Variants in TUBGCP3 observed in about 807,000 individuals in gnomAD.
TUBGCP3 encodes the protein tubulin gamma complex component 3.
Under a neutral mutation model 123.1 loss-of-function variants are expected in TUBGCP3, and 50 were observed. The ratio of observed to expected loss-of-function variants is 0.41; its 90% CI spans 0.32 to 0.51. The LOEUF is 0.51. Among genes scored for constraint, TUBGCP3 ranks in the 20% least tolerant of loss-of-function variants. TUBGCP3 has a pLI of 0.36. For missense variants in TUBGCP3, 882 were observed against 1,127.0 expected (o/e 0.78, Z 3.11); for synonymous variants, 405 against 413.9 (o/e 0.98, Z 0.26).
chr13:112,540,904 T>C (rs1012955140), intron 11 of TUBGCP3, among the ~76,000 whole-genome samples: 1 of 152,242 alleles, frequency 6.6e-6, no homozygotes, highest in Non-Finnish European at 1.5e-5. Flanking sequence ...TTATACTCAA[T>C]AGACATGCAT....
chr13:112,585,471 CAG>C (rs747349634), intron 1 of TUBGCP3, among the ~76,000 whole-genome samples: 12 of 152,096 alleles, frequency 7.9e-5, no homozygotes, highest in Non-Finnish European at 1.3e-4. Flanking sequence ...ATAATTTATT[CAG>C]AGAGGGCCGG....
intron 17 of TUBGCP3, among the ~76,000 whole-genome samples, chr13:112,506,992 G>T (rs1197837146): frequency 6.6e-6 from 1 of 152,192 alleles, no homozygotes; most frequent in Non-Finnish European, 1.5e-5. Context: ...CTGGAGAATG[G>T]TGAGTATTTA....
chr13:112,562,528 C>A (rs749927144), intron 3 of TUBGCP3, among the ~76,000 whole-genome samples: 1 of 152,204 alleles, frequency 6.6e-6, no homozygotes, highest in Admixed American at 6.5e-5. Context: ...TCCAGACTCA[C>A]CCTGGAGCTT....
At chr13:112,504,547 CATATAT>C (rs3832905) in intron 18 of TUBGCP3, 73 bp downstream of exon 18, 151 of 868,296 alleles carry the variant, frequency 1.7e-4, no homozygotes, top group East Asian at 3.9e-4. Context: ...CATACATACA[CATATAT>C]ATATATATAT....
At chr13:112,551,536 G>C (rs964824360) in intron 8 of TUBGCP3, among the ~76,000 whole-genome samples, 1 of 152,048 alleles carries the variant, frequency 6.6e-6, no homozygotes, top group Non-Finnish European at 1.5e-5. Context: ...CACTCCTTCA[G>C]CAACTGGATG....
At chr13:112,536,629 G>A (rs1312145954) in intron 11 of TUBGCP3, among the ~76,000 whole-genome samples, 1 of 152,008 alleles carries the variant, frequency 6.6e-6, no homozygotes, top group Non-Finnish European at 1.5e-5. Flanking sequence ...AATGATTTTT[G>A]TTATTGAGCT....
intron 5 of TUBGCP3, 51 bp downstream of exon 5, chr13:112,558,145 C>G: frequency 6.5e-7 from 1 of 1,538,760 alleles, no homozygotes; most frequent in Non-Finnish European, 8.8e-7. Flanking sequence ...AGCCTGCAGG[C>G]GTCTCTGTTT....
At chr13:112,541,165 G>C (rs1287022468) in intron 11 of TUBGCP3, among the ~76,000 whole-genome samples, 1 of 152,170 alleles carries the variant, frequency 6.6e-6, no homozygotes, top group Non-Finnish European at 1.5e-5. Context: ...TATCACGAAA[G>C]GAAATGAATA....
chr13:112,563,385 T>C (rs976522681), intron 3 of TUBGCP3, among the ~76,000 whole-genome samples: 1 of 152,158 alleles, frequency 6.6e-6, no homozygotes, highest in Non-Finnish European at 1.5e-5. Flanking sequence ...GGTTTAATCG[T>C]TGGTCTTATA....
intron 11 of TUBGCP3, among the ~76,000 whole-genome samples, chr13:112,539,265 T>C (rs1200532155): frequency 1.3e-5 from 2 of 152,152 alleles, no homozygotes; most frequent in Non-Finnish European, 2.9e-5. Flanking sequence ...GTGAAGGTAT[T>C]TGCCCAGGAT....
Position 112,554,199 on chromosome 13 carries a change from T to A in TUBGCP3, c.841-17A>T. ...TAGATTTGCCTAAAAAGTAAATACA[T>A]CAAATGTTAAACATTAAAAAGCAAT... On this transcript the variant is annotated splice_polypyrimidine_tract_variant and intron_variant, in intron 7 of 21. Transcript: ENST00000261965. 6.2e-7 allele frequency: 1 copy of A among 1,611,692 alleles called. No individual in the cohort carries two copies. The highest frequency in any genetic ancestry group is 8.5e-7 in the Non-Finnish European group (1 of 1,179,392).
At chr13:112,526,849 T>A (rs1877170793) in intron 13 of TUBGCP3, 93 bp downstream of exon 13, 3 of 911,732 alleles carry the variant, frequency 3.3e-6, no homozygotes, top group Non-Finnish European at 5.3e-6. Flanking sequence ...CACTACGTCA[T>A]CAACATCACT....
intron 21 of TUBGCP3, among the ~76,000 whole-genome samples, chr13:112,488,882 G>T (rs1879869552): frequency 2.1e-5 from 3 of 140,598 alleles, no homozygotes; most frequent in Non-Finnish European, 1.5e-5. Context: ...CCCACCACAG[G>T]GGAGCACAGG....
chr13:112,598,630 T>C, the TUBGCP3 span, among the ~76,000 whole-genome samples: 1 of 152,162 alleles, frequency 6.6e-6, no homozygotes, highest in African/African-American at 2.4e-5. Context: ...GTGAAAATAC[T>C]GATAACTACC....
At chr13:112,497,277 T>C (rs1033831507) in intron 20 of TUBGCP3, among the ~76,000 whole-genome samples, 8 of 152,334 alleles carry the variant, frequency 5.3e-5, no homozygotes, top group Non-Finnish European at 8.8e-5. Flanking sequence ...ATCGTGAGTA[T>C]ATCCGACTTT....
chr13:112,499,991 G>C (rs1267219307), intron 19 of TUBGCP3, among the ~76,000 whole-genome samples: 1 of 152,170 alleles, frequency 6.6e-6, no homozygotes, highest in Non-Finnish European at 1.5e-5. Context: ...CAAACAGCAG[G>C]GAAGGGGGTA....
intron 21 of TUBGCP3, among the ~76,000 whole-genome samples, chr13:112,487,127 A>G (rs1192358076): frequency 6.6e-6 from 1 of 151,308 alleles, no homozygotes; most frequent in African/African-American, 2.4e-5. Flanking sequence ...AGGTGAGGGA[A>G]GAAGAACACG....
intron 20 of TUBGCP3, among the ~76,000 whole-genome samples, chr13:112,493,980 T>C (rs1880346039): frequency 6.6e-6 from 1 of 151,338 alleles, no homozygotes; most frequent in Non-Finnish European, 1.5e-5. Context: ...TGGCCTGGTG[T>C]GCCTGAGACA....
At chr13:112,531,262 T>C (rs1877547689) in intron 11 of TUBGCP3, among the ~76,000 whole-genome samples, 1 of 152,236 alleles carries the variant, frequency 6.6e-6, no homozygotes, top group African/African-American at 2.4e-5. Flanking sequence ...ACGTTTATTT[T>C]CAACTAAAAT....
Sources: allele counts gnomAD v4.1 joint callset (sites outside exome capture counted in the v4.1 genomes callset), GRCh38; gene constraint gnomAD v4.1.1; transcripts MANE v1.5; gene names NCBI Gene and HGNC (gene_info 2026-07-23, HGNC 2026-07-21).